Variants in RBMS3 observed in about 807,000 individuals in gnomAD.
The protein encoded by RBMS3 is RNA-binding motif, single-stranded-interacting protein 3.
Under a neutral mutation model 66.8 loss-of-function variants are expected in RBMS3, and 27 were observed. The ratio of observed to expected loss-of-function variants is 0.40; its 90% CI spans 0.30 to 0.56. The LOEUF is 0.56. RBMS3 is among the 20% of genes least tolerant of loss of function. RBMS3 has a pLI of 0.40. For missense variants in RBMS3, 513 were observed against 549.5 expected (o/e 0.93, Z 0.66); for synonymous variants, 188 against 183.0 (o/e 1.03, Z -0.22).
chr3:29,604,306 C>A (rs1350963714), intron 4 of RBMS3, among the ~76,000 whole-genome samples: 1 of 151,900 alleles, frequency 6.6e-6, no homozygotes, highest in African/African-American at 2.4e-5. Flanking sequence ...ATTGGAAACA[C>A]CATTTTTAAT....
At chr3:29,330,217 T>G (rs1378125565) in intron 1 of RBMS3, among the ~76,000 whole-genome samples, 2 of 152,108 alleles carry the variant, frequency 1.3e-5, no homozygotes, top group Admixed American at 1.3e-4. Flanking sequence ...CTGTGTGGGA[T>G]TGCGGTCTCT....
intron 1 of RBMS3, among the ~76,000 whole-genome samples, chr3:29,287,375 T>G (rs1232762040): frequency 6.6e-6 from 1 of 152,108 alleles, no homozygotes. Context: ...TTATAAATTT[T>G]TTTTTACTAC....
intron 1 of RBMS3, among the ~76,000 whole-genome samples, chr3:29,363,622 G>T (rs1049029167): frequency 5.3e-5 from 8 of 151,840 alleles, no homozygotes; most frequent in Non-Finnish European, 1.2e-4. Flanking sequence ...AACCCCATCT[G>T]TACTAAAAAC....
chr3:29,457,888 C>T (rs1264031610), intron 2 of RBMS3, among the ~76,000 whole-genome samples: 1 of 144,074 alleles, frequency 6.9e-6, no homozygotes, highest in Non-Finnish European at 1.5e-5. Flanking sequence ...GCCAGGTTGT[C>T]TTTTGCCTAC....
At chr3:29,530,039 T>C (rs1328772300) in intron 3 of RBMS3, among the ~76,000 whole-genome samples, 2 of 152,186 alleles carry the variant, frequency 1.3e-5, no homozygotes, top group Non-Finnish European at 2.9e-5. Flanking sequence ...TATTTCATTG[T>C]CCTCTTGAGA....
At chr3:29,580,148 G>T (rs897001692) in intron 3 of RBMS3, among the ~76,000 whole-genome samples, 1 of 152,096 alleles carries the variant, frequency 6.6e-6, no homozygotes, top group African/African-American at 2.4e-5. Context: ...ATTCTGCTAG[G>T]AAATACCATT....
intron 6 of RBMS3, among the ~76,000 whole-genome samples, chr3:29,823,334 CTT>C (rs1349998995): frequency 6.6e-6 from 1 of 152,094 alleles, no homozygotes; most frequent in Non-Finnish European, 1.5e-5. Context: ...ATTCTGTACT[CTT>C]TTATGCCTAA....
At chr3:29,835,753 AAAGG>A (rs1288103274) in intron 6 of RBMS3, among the ~76,000 whole-genome samples, 1 of 151,902 alleles carries the variant, frequency 6.6e-6, no homozygotes, top group East Asian at 1.9e-4. Context: ...AAATTTAGCA[AAAGG>A]AAGGAGATAA....
intron 1 of RBMS3, among the ~76,000 whole-genome samples, chr3:29,371,836 G>A (rs1432068640): frequency 6.6e-6 from 1 of 152,064 alleles, no homozygotes. Flanking sequence ...AGAACTAGGC[G>A]ATGTTTCAAT....
In RBMS3 at chr3:29,936,342, A is replaced by T. The variant is rs1182868908; in HGVS notation, c.1050+146A>T. 5.5e-5 allele frequency: 43 copies of T among 776,060 alleles called. 1 individual carries two copies. Among genetic ancestry groups the T allele is most frequent in the Non-Finnish European group, 8.2e-5 (38 of 463,970 alleles). 48.1% of individuals were successfully genotyped at this position (776,060 alleles called of 1,614,324 possible). ...TCAGGTTTCAGTATGAATAAGCTGCATTCTGCATGTATGTTCAGTTCCAGG... is the reference window on the plus strand; with the variant it reads ...TCAGGTTTCAGTATGAATAAGCTGCTTTCTGCATGTATGTTCAGTTCCAGG... On this transcript the variant is annotated intron_variant, in intron 11 of 14. Transcript: ENST00000383767.
chr3:29,652,304 C>T (rs751609896), intron 4 of RBMS3, among the ~76,000 whole-genome samples: 1 of 152,032 alleles, frequency 6.6e-6, no homozygotes, highest in African/African-American at 2.4e-5. Context: ...ACCTTGTATA[C>T]TTGTAGGGAG....
At chr3:29,708,253 G>A (rs1228048011) in intron 4 of RBMS3, among the ~76,000 whole-genome samples, 1 of 152,122 alleles carries the variant, frequency 6.6e-6, no homozygotes, top group Non-Finnish European at 1.5e-5. Context: ...TTTCACTACT[G>A]ATTATCTCTT....
chr3:29,342,923 A>G (rs1407777702), intron 1 of RBMS3, among the ~76,000 whole-genome samples: 1 of 152,168 alleles, frequency 6.6e-6, no homozygotes, highest in Admixed American at 6.5e-5. Flanking sequence ...GGCTTGTGTG[A>G]GAGTAGAGAC....
chr3:29,762,241 ATCT>A (rs896073523), intron 5 of RBMS3, among the ~76,000 whole-genome samples: 15 of 152,164 alleles, frequency 9.9e-5, no homozygotes, highest in Non-Finnish European at 2.1e-4. Flanking sequence ...AGGTTTGTGT[ATCT>A]ATACCTTCCT....
At chr3:29,952,060 G>A (rs1231422187) in intron 12 of RBMS3, among the ~76,000 whole-genome samples, 1 of 151,676 alleles carries the variant, frequency 6.6e-6, no homozygotes, top group East Asian at 1.9e-4. Flanking sequence ...ACAGTTTTAA[G>A]GAGACATTTA....
intron 1 of RBMS3, among the ~76,000 whole-genome samples, chr3:29,429,637 A>T (rs2041104606): frequency 6.6e-6 from 1 of 152,212 alleles, no homozygotes. Context: ...GCCCTGTTAT[A>T]GCACAGTGTT....
At chr3:29,791,965 G>GA (rs1046352568) in intron 6 of RBMS3, among the ~76,000 whole-genome samples, 1 of 151,944 alleles carries the variant, frequency 6.6e-6, no homozygotes, top group Non-Finnish European at 1.5e-5. Flanking sequence ...GAAATATAAT[G>GA]AAAAATCTTA....
At chr3:29,986,572 A>G (rs1698403189) in intron 12 of RBMS3, among the ~76,000 whole-genome samples, 1 of 152,242 alleles carries the variant, frequency 6.6e-6, no homozygotes, top group Admixed American at 6.5e-5. Flanking sequence ...GAACCTATAT[A>G]GCAGAGGCAA....
chr3:29,426,846 A>G (rs1409777356), intron 1 of RBMS3, among the ~76,000 whole-genome samples: 1 of 150,546 alleles, frequency 6.6e-6, no homozygotes, highest in Non-Finnish European at 1.5e-5. Context: ...ATGAGAAAAC[A>G]AAGAATTACT....
Sources: allele counts gnomAD v4.1 joint callset (sites outside exome capture counted in the v4.1 genomes callset), GRCh38; gene constraint gnomAD v4.1.1; transcripts MANE v1.5; gene names NCBI Gene and HGNC (gene_info 2026-07-23, HGNC 2026-07-21).